WBP2: variants seen among roughly 807,000 people sequenced by gnomAD.
The protein encoded by WBP2 is WW domain binding protein 2, also known as WW domain-binding protein 2.
WBP2 carries 23 observed loss-of-function variants against 33.0 expected under a neutral mutation model. The ratio of observed to expected loss-of-function variants is 0.70; its 90% confidence interval spans 0.50 to 0.99. WBP2 has a LOEUF of 0.99. Ranked by LOEUF, WBP2 falls within the 50% of genes least tolerant of loss-of-function variation. WBP2 has a pLI of 0.00. For synonymous variants in WBP2, 153 were observed against 133.5 expected (o/e 1.15, Z -1.01); for missense variants, 353 against 358.0 (o/e 0.99, Z 0.11).
At chr17:75,854,422 G>A (rs554413586) in intron 1 of WBP2, among the ~76,000 whole-genome samples, 2 of 152,332 alleles carry the variant, frequency 1.3e-5, no homozygotes, top group African/African-American at 4.8e-5. Flanking sequence ...TCTCTTGGCA[G>A]AGACTGGAGG....
chr17:75,855,719 C>G (rs924092520), upstream of WBP2, among the ~76,000 whole-genome samples: 1 of 152,262 alleles, frequency 6.6e-6, no homozygotes, highest in African/African-American at 2.4e-5. Context: ...ACTCCGGCAG[C>G]GCGTTAAGGG....
chr17:75,849,504 C>T (rs945630656), intron 3 of WBP2, 100 bp downstream of exon 3: 22 of 1,474,346 alleles, frequency 1.5e-5, no homozygotes, highest in Middle Eastern at 2.4e-4. Flanking sequence ...ATGGCTAGGG[C>T]GATAAGGGTC....
intron 4 of WBP2, 31 bp from the exon 5 acceptor site, chr17:75,847,961 G>C: frequency 1.3e-6 from 2 of 1,557,808 alleles, no homozygotes; most frequent in Non-Finnish European, 1.7e-6. Context: ...AGAAATGAGC[G>C]TGGCCTGCCT....
chr17:75,855,313 G>A lies in WBP2; in HGVS notation c.-16C>T, dbSNP rs1445830798. The A allele has an allele frequency of 1.2e-6, 2 of 1,611,306 alleles. No individual in the cohort carries two copies. Among genetic ancestry groups the A allele is most frequent in the South Asian group, 1.1e-5 (1 of 91,038 alleles). On this transcript the variant is annotated 5_prime_UTR_variant, in exon 1 of 8. Coordinates refer to ENST00000254806, the MANE Select transcript of WBP2 (RefSeq NM_012478.4). ...TGAGCGCCATAGTCTCTCCAACAGG[G>A]GTCCCGAGACTCAAAACGCAATGAG...
At chr17:75,851,498 T>C in intron 2 of WBP2, 70 bp downstream of exon 2, 6 of 1,240,040 alleles carry the variant, frequency 4.8e-6, no homozygotes, top group Non-Finnish European at 7.1e-6. Flanking sequence ...GAGGCAGACC[T>C]GAGACTAAGA....
At chr17:75,849,813 G>C in intron 2 of WBP2, 74 bp from the exon 3 acceptor site, 1 of 1,572,762 alleles carries the variant, frequency 6.4e-7, no homozygotes, top group Non-Finnish European at 8.6e-7. Flanking sequence ...CCTGCTTCCT[G>C]GGAGTGACGA....
Position 75,847,599 on chromosome 17 carries a change from T to G in WBP2, c.543A>C (p.Pro181=). ...PYPPPPPEFY[P]GPPMMDGAMG... ...TGGCCCCGTCCATCATGGGGGGTCC[T>G]GGATAGAACTCTGCTCGGTGAGAGA... Residue 181 remains proline, a synonymous_variant, in exon 6 of 8, where the codon CCA becomes CCC. Coordinates refer to ENST00000254806, the MANE Select transcript of WBP2 (RefSeq NM_012478.4). 1 of 1,612,772 alleles carries G rather than the reference T, an allele frequency of 6.2e-7. No individual in the cohort carries two copies. Among genetic ancestry groups the G allele is most frequent in the Non-Finnish European group, 8.5e-7 (1 of 1,179,542 alleles).
Position 75,848,561 on chromosome 17 carries a change from C to G in WBP2, c.397+9G>C. ...TGTCTTTAGCCCCTAATCTTCGGAG[C>G]CTGGATACCTTGAGATGCCACCTGG... On this transcript the variant is annotated intron_variant, in intron 4 of 7. Transcript: ENST00000254806. 1.2e-6 allele frequency: 2 copies of G among 1,613,162 alleles called. No homozygotes were observed. Among genetic ancestry groups the G allele is most frequent in the Non-Finnish European group, 1.7e-6 (2 of 1,179,374 alleles).
rs202022024 is a variant in WBP2 at position 75,847,850 on chromosome 17, C to T, written c.478G>A (p.Ala160Thr). 9.0e-6 allele frequency: 14 copies of T among 1,557,354 alleles called. No homozygotes were observed. Among genetic ancestry groups the T allele is most frequent in the Middle Eastern group, 1.7e-4 (1 of 6,000 alleles). The change falls in exon 5 of 8, where the codon GCC (alanine) becomes ACC (threonine). Residue 160 changes from alanine (A) to threonine (T), a missense_variant. Transcript: ENST00000254806. ...GGAGGGCAGGGGTACATTCCATTGG[C>T]GACTGGCGGGGGATAGACATAGGCC... ...SGAYVYPPPVANGMYPCPPGY... is the reference protein window; with the variant it reads ...SGAYVYPPPVTNGMYPCPPGY...
intron 3 of WBP2, chr17:75,849,267 G>A (rs2143922492): frequency 4.1e-6 from 1 of 243,182 alleles, no homozygotes; most frequent in East Asian, 9.2e-5. Context: ...GCCTCTTCCT[G>A]GCTCTCATGA....
At chr17:75,854,485 T>C (rs1446248083) in intron 1 of WBP2, among the ~76,000 whole-genome samples, 1 of 152,028 alleles carries the variant, frequency 6.6e-6, no homozygotes, top group Non-Finnish European at 1.5e-5. Flanking sequence ...GAAAGAACCT[T>C]GAATTAGGAG....
At chr17:75,854,268 G>C (rs903022539) in intron 1 of WBP2, among the ~76,000 whole-genome samples, 9 of 152,072 alleles carry the variant, frequency 5.9e-5, no homozygotes, top group Non-Finnish European at 1.2e-4. Flanking sequence ...CTGACTCCAC[G>C]ATGTCTCCTT....
In WBP2 at chr17:75,847,071, G is replaced by A. The variant is rs1179560930; in HGVS notation, c.656-87C>T. ...AGACCCCGGGCCCCCATGGCTCGGG[G>A]CAGCTGGTGCTGGGGGTCCAGTTCC... On this transcript the variant is annotated intron_variant, in intron 6 of 7. Transcript: ENST00000254806. 7.4e-6 allele frequency: 11 copies of A among 1,478,228 alleles called. No individual in the cohort carries two copies. In the African/African-American group the frequency reaches 1.1e-4, roughly 15 times the overall value. 91.6% of individuals were successfully genotyped at this position (1,478,228 alleles called of 1,614,324 possible).
chr17:75,854,124 G>T (rs1371363459), intron 1 of WBP2, among the ~76,000 whole-genome samples: 1 of 151,218 alleles, frequency 6.6e-6, no homozygotes, highest in Non-Finnish European at 1.5e-5. Context: ...AACAGGCTGG[G>T]CCCATGAAAC....
upstream of WBP2, among the ~76,000 whole-genome samples, chr17:75,856,012 C>T (rs1735283878): frequency 6.6e-6 from 1 of 152,200 alleles, no homozygotes; most frequent in African/African-American, 2.4e-5. Context: ...CCACCACGTT[C>T]GCAGGCCGGC....
Position 75,846,450 on chromosome 17 carries a change from A to G in WBP2, c.*284T>C, listed in dbSNP as rs1487512319. 4.0e-6 allele frequency: 2 copies of G among 499,654 alleles called. No homozygotes were observed. Among genetic ancestry groups the G allele is most frequent in the Non-Finnish European group, 7.2e-6 (2 of 278,830 alleles). The allele number at this position is 499,654 out of a possible 1,614,324, so 31.0% of individuals were successfully genotyped here. A position where few individuals can be genotyped will look rare whatever the true frequency, so the allele number is the denominator to read the frequency against. On this transcript the variant is annotated 3_prime_UTR_variant, in exon 8 of 8. Transcript: ENST00000254806. This position sits in a 1 kb window ranked among gnomAD's most constrained non-coding sequence, Gnocchi z 4.8. ...AGTCCCTTCGAGGGGAGAAGCTGAG[A>G]GTGAAACAGGAACAGGGGATGCTCC...
intron 4 of WBP2, chr17:75,848,368 C>G: frequency 1.6e-6 from 1 of 606,656 alleles, no homozygotes; most frequent in East Asian, 2.8e-5. Flanking sequence ...CTGCCCCAGG[C>G]AGGGAAACGC....
At chr17:75,852,887 T>A in intron 1 of WBP2, 2 of 783,156 alleles carry the variant, frequency 2.6e-6, no homozygotes, top group Non-Finnish European at 3.1e-6. Context: ...GGGGTTCTTT[T>A]AAACCTGGGT....
chr17:75,849,866 C>G lies in WBP2; in HGVS notation c.169-127G>C, dbSNP rs571073397. 200 of 1,290,086 alleles carry G rather than the reference C, an allele frequency of 1.6e-4. No individual in the cohort carries two copies. The African/African-American group carries it at 2.7e-3, about 18-fold the overall frequency. 79.9% of individuals were successfully genotyped at this position (1,290,086 alleles called of 1,614,324 possible). ...GGGTCCAGCAGCCCCATGGCTCTCT[C>G]TGTGCCAGACACTCCTGGAGAGAGC... On this transcript the variant is annotated intron_variant, in intron 2 of 7. Transcript: ENST00000254806.
Sources: gnomAD v4.1 joint callset for allele counts (sites outside exome capture counted in the v4.1 genomes callset) on GRCh38, gnomAD v4.1.1 for gene constraint, Gnocchi (gnomAD v3.1) non-coding constraint, MANE v1.5 for transcripts, NCBI Gene and HGNC (gene_info 2026-07-23, HGNC 2026-07-21) for gene names.